Variants in HDDC2 observed in about 807,000 individuals in gnomAD.
HDDC2 encodes the protein 5'-deoxynucleotidase HDDC2.
HDDC2 carries 25 observed loss-of-function variants against 25.5 expected under a neutral mutation model. The observed-to-expected ratio is 0.98, with a 90% CI of 0.72 to 1.37. The LOEUF (loss-of-function observed/expected upper bound fraction) is 1.37, where lower values mean the gene tolerates loss of function less well. Among genes scored for constraint, HDDC2 ranks in the 40% most tolerant of loss-of-function variants. The pLI is 0.00. For missense variants in HDDC2, 264 were observed against 253.1 expected (o/e 1.04, Z -0.29); for synonymous variants, 106 against 89.7 (o/e 1.18, Z -1.03).
chr6:125,298,658 G>A, intron 3 of HDDC2, 56 bp downstream of exon 3: 2 of 1,302,550 alleles, frequency 1.5e-6, no homozygotes, highest in Non-Finnish European at 1.1e-6. Context: ...ACTTAGCTTT[G>A]CTTCAGCAAG....
chr6:125,293,435 G>A (rs748749484), intron 3 of HDDC2, among the ~76,000 whole-genome samples: 1 of 152,058 alleles, frequency 6.6e-6, no homozygotes, highest in Non-Finnish European at 1.5e-5. Flanking sequence ...TAACATAAAC[G>A]AAGTTACATG....
At chr6:125,281,959 G>A (rs1271771078) in intron 4 of HDDC2, among the ~76,000 whole-genome samples, 1 of 152,140 alleles carries the variant, frequency 6.6e-6, no homozygotes, top group Non-Finnish European at 1.5e-5. Flanking sequence ...AGAAAGGTCG[G>A]GTTACCCACA....
In HDDC2 at chr6:125,301,884, G is replaced by A; in HGVS notation, c.49C>T (p.Leu17=). 1 of 1,551,298 alleles carries A rather than the reference G, an allele frequency of 6.4e-7. No homozygotes were observed. The highest frequency in any genetic ancestry group is 1.2e-5 in the South Asian group (1 of 84,308). ...ATFSGHGARS[L]LQFLRLVGQL... ...CCTACCAGCCGCAGGAACTGCAGTAGGGACCGAGCCCCGTGGCCCGAGAAG... is the reference window on the plus strand; with the variant it reads ...CCTACCAGCCGCAGGAACTGCAGTAAGGACCGAGCCCCGTGGCCCGAGAAG... Residue 17 remains leucine, a synonymous_variant, in exon 1 of 6, where the codon CTA becomes TTA. Transcript: ENST00000398153.
Position 125,280,433 on chromosome 6 carries a change from T to C in HDDC2, c.379-3193A>G, listed in dbSNP as rs915006917. 2.2e-4 allele frequency among the ~76,000 whole-genome samples: 33 copies of C among 152,110 alleles called. 1 individual carries two copies. Among genetic ancestry groups the C allele is most frequent in the African/African-American group, 8.0e-4 (33 of 41,438 alleles). On this transcript the variant is annotated intron_variant, in intron 4 of 5. Coordinates refer to ENST00000398153, the MANE Select transcript of HDDC2 (RefSeq NM_016063.3). ...AGGGGGCTGAAGCCAGGGAGCCAAG[T>C]GGTCTTGATCAGTGGATCCCACCTC...
chr6:125,299,652 C>G (rs553743591), intron 2 of HDDC2, among the ~76,000 whole-genome samples: 1 of 152,194 alleles, frequency 6.6e-6, no homozygotes, highest in Admixed American at 6.5e-5. Context: ...CAGACTACTC[C>G]AAACTGCATC....
chr6:125,284,475 CAAAT>C (rs1304384440), intron 4 of HDDC2, among the ~76,000 whole-genome samples: 14 of 152,176 alleles, frequency 9.2e-5, no homozygotes, highest in African/African-American at 3.4e-4. Flanking sequence ...AAGAAAAAAA[CAAAT>C]AACCCCATCA....
chr6:125,289,233 A>C, intron 4 of HDDC2, among the ~76,000 whole-genome samples: 1 of 135,132 alleles, frequency 7.4e-6, no homozygotes, highest in Middle Eastern at 3.6e-3. Context: ...TCGCAAGAAC[A>C]AAAAACCAAA....
chr6:125,282,483 C>G (rs1798473468), intron 4 of HDDC2, among the ~76,000 whole-genome samples: 1 of 152,154 alleles, frequency 6.6e-6, no homozygotes, highest in South Asian at 2.1e-4. Context: ...TCTGTCACCA[C>G]CAGGCCTGCC....
chr6:125,281,883 C>A lies in HDDC2; in HGVS notation c.379-4643G>T, dbSNP rs573524245. Among the ~76,000 whole-genome samples the A allele has an allele frequency of 1.3e-4, 20 of 152,198 alleles. No individual in the cohort carries two copies. The South Asian group carries it at 4.2e-3, about 32-fold the overall frequency. ...AAATACTCCTCAAGAAGAGCAACCC[C>A]AAGACACATAATCAGCAGATTCACC... On this transcript the variant is annotated intron_variant, in intron 4 of 5. Coordinates refer to ENST00000398153, the MANE Select transcript of HDDC2 (RefSeq NM_016063.3).
chr6:125,293,103 A>T (rs1474211605), intron 3 of HDDC2, 194 bp from the exon 4 acceptor site: 1 of 669,754 alleles, frequency 1.5e-6, no homozygotes, highest in African/African-American at 1.8e-5. Context: ...AATAAGTGTA[A>T]TCATTCATAT....
At chr6:125,284,496 G>T (rs1490310288) in intron 4 of HDDC2, among the ~76,000 whole-genome samples, 1 of 152,088 alleles carries the variant, frequency 6.6e-6, no homozygotes, top group Non-Finnish European at 1.5e-5. Flanking sequence ...ATCAAAAAGT[G>T]GGCAAAGGAT....
intron 5 of HDDC2, chr6:125,276,469 A>T: frequency 1.9e-6 from 1 of 517,814 alleles, no homozygotes; most frequent in Middle Eastern, 5.1e-4. Context: ...GATGAGACTC[A>T]GGCAAGGAAT....
chr6:125,291,162 G>T (rs140847676), intron 4 of HDDC2, among the ~76,000 whole-genome samples: 1 of 152,118 alleles, frequency 6.6e-6, no homozygotes, highest in African/African-American at 2.4e-5. Context: ...CAACATATAA[G>T]GAGTGTTCTG....
intron 3 of HDDC2, among the ~76,000 whole-genome samples, chr6:125,296,263 A>G (rs1475324838): frequency 6.6e-6 from 1 of 152,194 alleles, no homozygotes; most frequent in Admixed American, 6.5e-5. Context: ...TACAAATACG[A>G]CACCATTTTA....
At chr6:125,293,004 A>G in intron 3 of HDDC2, 95 bp from the exon 4 acceptor site, 2 of 964,986 alleles carry the variant, frequency 2.1e-6, no homozygotes, top group South Asian at 2.6e-5. Flanking sequence ...TCTTACAAAC[A>G]ACTCTCACAG....
Position 125,300,572 on chromosome 6 carries a change from T to C in HDDC2, c.172A>G (p.Met58Val), listed in dbSNP as rs755708748. 184 of 1,614,058 alleles carry C rather than the reference T, an allele frequency of 1.1e-4. 3 individuals carry two copies. The Admixed American group carries it at 3.0e-3, about 26-fold the overall frequency. Residue 58 changes from methionine to valine, a missense_variant, in exon 2 of 6, where the codon ATG becomes GTG. By Grantham distance (21) the Met-to-Val change is conservative (BLOSUM62 1). Coordinates refer to ENST00000398153, the MANE Select transcript of HDDC2 (RefSeq NM_016063.3). ...TTAAGACGGTCATCTTTGATCACCA[T>C]AGCCATAACTGCCATCCGGTACATG... ...DHMYRMAVMAMVIKDDRLNKD... is the reference protein window; with the variant it reads ...DHMYRMAVMAVVIKDDRLNKD...
At chr6:125,276,998 G>T in intron 5 of HDDC2, 104 bp downstream of exon 5, 2 of 1,111,536 alleles carry the variant, frequency 1.8e-6, no homozygotes, top group Non-Finnish European at 2.6e-6. Flanking sequence ...ACATGAAAGG[G>T]TCAGATGAAG....
chr6:125,291,584 G>A (rs184704660), intron 4 of HDDC2, among the ~76,000 whole-genome samples: 3 of 152,222 alleles, frequency 2.0e-5, no homozygotes, highest in African/African-American at 7.2e-5. Context: ...ATGAGTTCAG[G>A]TCAGGTCAAA....
chr6:125,297,867 G>A (rs1253736316), intron 3 of HDDC2, among the ~76,000 whole-genome samples: 1 of 152,166 alleles, frequency 6.6e-6, no homozygotes, highest in Admixed American at 6.5e-5. Flanking sequence ...AGTCCAAACT[G>A]ATGTTAATTT....
Sources: gnomAD v4.1 joint callset for allele counts (sites outside exome capture counted in the v4.1 genomes callset) on GRCh38, gnomAD v4.1.1 for gene constraint, MANE v1.5 for transcripts, NCBI Gene and HGNC (gene_info 2026-07-23, HGNC 2026-07-21) for gene names.